GLIPR1L1: variants seen among roughly 807,000 people sequenced by gnomAD.
The protein encoded by GLIPR1L1 is GLIPR1 like 1, also known as GLIPR1-like protein 1.
GLIPR1L1 carries 26 observed loss-of-function variants against 29.9 expected under a neutral mutation model. The ratio of observed to expected loss-of-function variants is 0.87; its 90% confidence interval spans 0.64 to 1.21. GLIPR1L1 has a LOEUF of 1.21. Ranked by LOEUF, GLIPR1L1 falls within the 50% of genes most tolerant of loss-of-function variation. The pLI is 0.00. For missense variants in GLIPR1L1, 305 were observed against 290.3 expected, an observed-to-expected ratio of 1.05 and a Z score of -0.37; for synonymous variants, 77 against 97.5, an observed-to-expected ratio of 0.79 and a Z score of 1.24.
chr12:75,341,231 T>C (rs975036202), intron 1 of GLIPR1L1, among the ~76,000 whole-genome samples: 1 of 152,164 alleles, frequency 6.6e-6, no homozygotes, highest in African/African-American at 2.4e-5. Context: ...ATGTTTGTAA[T>C]AGCTCAAACT....
At chr12:75,341,916 T>A (rs1406999107) in intron 1 of GLIPR1L1, among the ~76,000 whole-genome samples, 1 of 152,016 alleles carries the variant, frequency 6.6e-6, no homozygotes, top group Non-Finnish European at 1.5e-5. Context: ...CCTGGCTGAT[T>A]TTTGTATTTT....
chr12:75,349,003 G>A (rs1653760938), intron 3 of GLIPR1L1, among the ~76,000 whole-genome samples: 1 of 152,144 alleles, frequency 6.6e-6, no homozygotes, highest in South Asian at 2.1e-4. Flanking sequence ...AAGAAATGGA[G>A]CTAAAAGTAT....
intron 3 of GLIPR1L1, among the ~76,000 whole-genome samples, chr12:75,350,491 A>C (rs1411339685): frequency 1.3e-5 from 2 of 152,206 alleles, no homozygotes; most frequent in Non-Finnish European, 2.9e-5. Context: ...CCCAGTGGAA[A>C]GATCAGGCTG....
intron 1 of GLIPR1L1, among the ~76,000 whole-genome samples, chr12:75,336,295 A>G (rs1418821911): frequency 6.6e-6 from 1 of 151,864 alleles, no homozygotes; most frequent in African/African-American, 2.4e-5. Context: ...ACAAAAGAAC[A>G]AAGAGGGAAT....
At chr12:75,340,303 C>T (rs1216463334) in intron 1 of GLIPR1L1, among the ~76,000 whole-genome samples, 2 of 151,712 alleles carry the variant, frequency 1.3e-5, no homozygotes, top group Non-Finnish European at 2.9e-5. Flanking sequence ...ACGTATTTTC[C>T]TCTGCGTAGA....
intron 1 of GLIPR1L1, among the ~76,000 whole-genome samples, chr12:75,342,869 A>G (rs2042208396): frequency 6.6e-6 from 1 of 152,048 alleles, no homozygotes; most frequent in Non-Finnish European, 1.5e-5. Context: ...TGCAGTTTTC[A>G]GCATAGAGAT....
At chr12:75,361,627 A>G (rs2043599408) in intron 3 of GLIPR1L1, among the ~76,000 whole-genome samples, 1 of 152,214 alleles carries the variant, frequency 6.6e-6, no homozygotes. Context: ...GGAAACTTAC[A>G]ATCATGACAG....
rs143627655 is a variant in GLIPR1L1 at position 75,334,832 on chromosome 12, A to G, written c.104A>G (p.Asp35Gly). Residue 35 changes from aspartate to glycine, a missense_variant, in exon 1 of 6, where the codon GAC (aspartate) becomes GGC (glycine). By Grantham distance (94) the Asp-to-Gly change is moderately conservative. Coordinates refer to ENST00000378695, the MANE Select transcript of GLIPR1L1 (RefSeq NM_001304964.2). ...TCCATCACTGACCCACACTTTATAG[A>G]CAACTGCATAGAAGCCCACAACGAA... ...IPSITDPHFIDNCIEAHNEWR... is the reference protein window; with the variant it reads ...IPSITDPHFIGNCIEAHNEWR... 7.6e-5 allele frequency: 123 copies of G among 1,614,086 alleles called. No homozygotes were observed. The African/African-American group carries it at 1.3e-3, about 16-fold the overall frequency.
At chr12:75,360,486 G>T (rs2043500394) in intron 3 of GLIPR1L1, 2 of 152,144 alleles carry the variant, frequency 1.3e-5, no homozygotes, top group African/African-American at 4.8e-5. Flanking sequence ...GGGGCTATAG[G>T]CCCTGCACAA....
At chr12:75,343,425 C>T (rs144392240) in intron 1 of GLIPR1L1, among the ~76,000 whole-genome samples, 224 of 151,968 alleles carry the variant, frequency 1.5e-3, no homozygotes, top group African/African-American at 3.6e-3. Context: ...AATCACATTC[C>T]GATTTATTTG....
At chr12:75,362,639 T>G (rs1452297719) in intron 3 of GLIPR1L1, among the ~76,000 whole-genome samples, 1 of 152,140 alleles carries the variant, frequency 6.6e-6, no homozygotes, top group African/African-American at 2.4e-5. Flanking sequence ...CTTTGAAAAA[T>G]TTATGACTTA....
At chr12:75,367,991 A>C (rs1318326564) in intron 4 of GLIPR1L1, among the ~76,000 whole-genome samples, 1 of 152,058 alleles carries the variant, frequency 6.6e-6, no homozygotes, top group Non-Finnish European at 1.5e-5. Flanking sequence ...CTGAGTTTTT[A>C]ATTTGAATAA....
At chr12:75,349,549 TAATTA>T (rs1190593804) in intron 3 of GLIPR1L1, among the ~76,000 whole-genome samples, 3 of 152,182 alleles carry the variant, frequency 2.0e-5, no homozygotes, top group African/African-American at 4.8e-5. Flanking sequence ...ACAGATGTTA[TAATTA>T]AAAGAGAAAG....
At chr12:75,343,126 C>T (rs972243452) in intron 1 of GLIPR1L1, among the ~76,000 whole-genome samples, 2 of 151,812 alleles carry the variant, frequency 1.3e-5, no homozygotes, top group Non-Finnish European at 2.9e-5. Flanking sequence ...TATGTATTTA[C>T]AACTCATGTA....
At chr12:75,358,819 TATATATAATATATAACA>T (rs1382242927) in intron 3 of GLIPR1L1, among the ~76,000 whole-genome samples, 65 of 144,296 alleles carry the variant, frequency 4.5e-4, no homozygotes, top group African/African-American at 1.6e-3. Context: ...TATGTTTAAA[TATATATAATATATAACA>T]ATATATAATA....
chr12:75,349,211 G>A (rs1247316870), intron 3 of GLIPR1L1, among the ~76,000 whole-genome samples: 2 of 152,178 alleles, frequency 1.3e-5, no homozygotes, highest in Non-Finnish European at 2.9e-5. Context: ...CACACAGGGA[G>A]CAGAACTAAA....
rs1283494935 is a variant in GLIPR1L1, at chr12:75,334,826, T to G, written c.98T>G (p.Phe33Cys). The change falls in exon 1 of 6, where the codon TTT (phenylalanine) becomes TGT (cysteine). Residue 33 changes from phenylalanine to cysteine, a missense_variant. Physicochemically the swap from Phe to Cys is radical, Grantham distance 205. Transcript: ENST00000378695. ...ATCCCATCCATCACTGACCCACACT[T>G]TATAGACAACTGCATAGAAGCCCAC... ...SKIPSITDPH[F>C]IDNCIEAHNE... is the part of the protein sequence containing the mutation. 2 of 1,613,968 alleles carry G rather than the reference T, an allele frequency of 1.2e-6. No individual in the cohort carries two copies. Among genetic ancestry groups the G allele is most frequent in the Non-Finnish European group, 1.7e-6 (2 of 1,180,008 alleles).
chr12:75,340,231 T>A (rs551586821), intron 1 of GLIPR1L1, among the ~76,000 whole-genome samples: 26 of 151,602 alleles, frequency 1.7e-4, no homozygotes, highest in Non-Finnish European at 3.1e-4. Flanking sequence ...GTTTCCATAT[T>A]TTTAGAACTG....
chr12:75,339,147 T>C (rs981077108), intron 1 of GLIPR1L1, among the ~76,000 whole-genome samples: 11 of 152,216 alleles, frequency 7.2e-5, no homozygotes, highest in Non-Finnish European at 1.2e-4. Context: ...CAAATGGTAT[T>C]TCTGACTCTA....
Sources: gnomAD v4.1 joint callset for allele counts (sites outside exome capture counted in the v4.1 genomes callset) on GRCh38, gnomAD v4.1.1 for gene constraint, MANE v1.5 for transcripts, NCBI Gene and HGNC (gene_info 2026-07-23, HGNC 2026-07-21) for gene names.